RANGAP1: variants seen among roughly 807,000 people sequenced by gnomAD.
RANGAP1 encodes the protein ran GTPase-activating protein 1.
A neutral mutation model predicts 63.5 loss-of-function variants in RANGAP1; 38 were observed. The ratio of observed to expected loss-of-function variants is 0.60; its 90% CI spans 0.46 to 0.78. RANGAP1 has a LOEUF of 0.78. Among genes scored for constraint, RANGAP1 ranks in the 30% least tolerant of loss-of-function variants. The pLI is 0.00. For synonymous variants in RANGAP1, 329 were observed against 310.5 expected (o/e 1.06, Z -0.63); for missense variants, 630 against 740.3 (o/e 0.85, Z 1.73).
At chr22:41,248,905 C>T (rs1366283463) in intron 15 of RANGAP1, among the ~76,000 whole-genome samples, 3 of 152,234 alleles carry the variant, frequency 2.0e-5, no homozygotes, top group Non-Finnish European at 4.4e-5. Context: ...GACCAGGCCC[C>T]TTTGGCCTGC....
chr22:41,254,542 G>C (rs941039275), intron 10 of RANGAP1, 48 bp from the exon 11 acceptor site: 3 of 1,533,454 alleles, frequency 2.0e-6, no homozygotes, highest in Non-Finnish European at 2.6e-6. Flanking sequence ...CAGCAGCCCA[G>C]GTTGGCTCTA....
chr22:41,275,895 A>G (rs1010815766), intron 2 of RANGAP1, among the ~76,000 whole-genome samples: 2 of 152,034 alleles, frequency 1.3e-5, no homozygotes, highest in African/African-American at 4.8e-5. Flanking sequence ...GCAATGAGCC[A>G]TGATCATGCC....
intron 4 of RANGAP1, among the ~76,000 whole-genome samples, chr22:41,266,390 T>G (rs1335008083): frequency 6.6e-6 from 1 of 151,896 alleles, no homozygotes; most frequent in Non-Finnish European, 1.5e-5. Context: ...TCCTACAGAG[T>G]CAAGTAAAAG....
At chr22:41,256,139 G>A (rs1467226131) in intron 9 of RANGAP1, 34 bp from the exon 10 acceptor site, 1 of 1,613,640 alleles carries the variant, frequency 6.2e-7, no homozygotes, top group Non-Finnish European at 8.5e-7. Context: ...GTCAGCCGGG[G>A]TGCCAGGGCC....
At chr22:41,249,220 C>T (rs1487381421) in intron 15 of RANGAP1, 110 bp downstream of exon 15, 152 of 1,413,028 alleles carry the variant, frequency 1.1e-4, no homozygotes, top group Non-Finnish European at 1.4e-4. Flanking sequence ...CTGAGTGGGG[C>T]CAGCAGGCTG....
Position 41,256,041 on chromosome 22 carries a change from G to T in RANGAP1, c.1053C>A (p.Ala351=), listed in dbSNP as rs1201140432. The change falls in exon 10 of 16, where the codon GCC becomes GCA. Residue 351 remains alanine, a synonymous_variant. Coordinates refer to ENST00000356244, the MANE Select transcript of RANGAP1 (RefSeq NM_002883.4). ...LQEVLEGFNM[A]KVLASLSDDE... ...CCTACCTGAGGGACGCCAGCACCTT[G>T]GCCATGTTGAAGCCCTCCAGCACCT... The T allele has an allele frequency of 6.2e-7, 1 of 1,613,708 alleles. No individual in the cohort carries two copies. The highest frequency in any genetic ancestry group is 1.3e-5 in the African/African-American group (1 of 74,904).
the RANGAP1 span, among the ~76,000 whole-genome samples, chr22:41,298,807 AC>A: frequency 1.3e-5 from 2 of 151,866 alleles, no homozygotes; most frequent in African/African-American, 4.8e-5. Flanking sequence ...TACTCACATT[AC>A]CCCCATCTTA....
At position 41,249,749 on chromosome 22, in the gene RANGAP1, C is replaced by T. The variant is rs770249841; in HGVS notation, c.1552G>A (p.Val518Met). 15 of 1,613,854 alleles carry T rather than the reference C, an allele frequency of 9.3e-6. No individual in the cohort carries two copies. Among genetic ancestry groups the T allele is most frequent in the East Asian group, 6.7e-5 (3 of 44,884 alleles). Residue 518 changes from valine to methionine, a missense_variant, in exon 14 of 16, where the codon GTG becomes ATG. By Grantham distance (21) the Val-to-Met change is conservative. Around this residue, in one of 3 missense-constraint regions of RANGAP1, gnomAD observed 428 missense variants for 465.5 expected, o/e 0.92. Coordinates refer to ENST00000356244, the MANE Select transcript of RANGAP1 (RefSeq NM_002883.4). Reference sequence around the variant, plus strand: ...CTCACCTTGAGCAGACCCATGTGCACGAGCAGCCTGGTGAGGAAGGTGTTG... The same window carrying T: ...CTCACCTTGAGCAGACCCATGTGCATGAGCAGCCTGGTGAGGAAGGTGTTG... ...NSNTFLTRLL[V>M]HMGLLKSEDK... is the part of the protein sequence containing the mutation.
intron 15 of RANGAP1, 104 bp downstream of exon 15, chr22:41,249,226 G>C (rs777645804): frequency 4.5e-5 from 64 of 1,428,604 alleles, no homozygotes; most frequent in Non-Finnish European, 5.8e-5. Context: ...GGGGCCAGCA[G>C]GCTGGCTGGG....
intron 10 of RANGAP1, among the ~76,000 whole-genome samples, chr22:41,255,663 C>T (rs528301456): frequency 3.7e-4 from 57 of 152,068 alleles, no homozygotes; most frequent in Admixed American, 7.2e-4. Context: ...CTCTGTTGAA[C>T]GGACAACTCA....
Position 41,245,155 on chromosome 22 carries a change from C to T in RANGAP1, c.*1448G>A, listed in dbSNP as rs962774118. 2.0e-5 allele frequency among the ~76,000 whole-genome samples: 3 copies of T among 152,260 alleles called. No individual in the cohort carries two copies. Among genetic ancestry groups the T allele is most frequent in the Admixed American group, 2.0e-4 (3 of 15,290 alleles). Reference sequence around the variant, plus strand: ...CAGGGCCAGCAGTATCCTCTGCCACCTGGTCACCTACGTGGCCGACTGCCA... The same window carrying T: ...CAGGGCCAGCAGTATCCTCTGCCACTTGGTCACCTACGTGGCCGACTGCCA... On this transcript the variant is annotated 3_prime_UTR_variant, in exon 16 of 16. Coordinates refer to ENST00000356244, the MANE Select transcript of RANGAP1 (RefSeq NM_002883.4).
the RANGAP1 span, among the ~76,000 whole-genome samples, chr22:41,300,044 C>G: frequency 1.2e-3 from 179 of 151,750 alleles, no homozygotes; most frequent in African/African-American, 4.0e-3. Context: ...AGCTACCGCG[C>G]CCGGCCTCCT....
intron 15 of RANGAP1, among the ~76,000 whole-genome samples, chr22:41,248,478 G>A (rs965890429): frequency 3.9e-5 from 6 of 152,230 alleles, no homozygotes; most frequent in Non-Finnish European, 5.9e-5. Context: ...CTCCCCACAT[G>A]CACCAAGTAT....
chr22:41,295,368 G>A, the RANGAP1 span, among the ~76,000 whole-genome samples: 1 of 152,026 alleles, frequency 6.6e-6, no homozygotes, highest in Admixed American at 6.6e-5. Flanking sequence ...AAATTCTTCT[G>A]CCTTGGGATC....
chr22:41,291,680 C>A, the RANGAP1 span, among the ~76,000 whole-genome samples: 4 of 150,708 alleles, frequency 2.7e-5, no homozygotes, highest in Admixed American at 1.3e-4. Flanking sequence ...GGGTGGATCA[C>A]GAGGTCAGGA....
chr22:41,298,522 T>C, the RANGAP1 span, among the ~76,000 whole-genome samples: 1 of 151,166 alleles, frequency 6.6e-6, no homozygotes, highest in African/African-American at 2.4e-5. Context: ...AACATGTTGG[T>C]CAGGCTGGTC....
At chr22:41,260,181 G>A (rs960390319) in intron 6 of RANGAP1, among the ~76,000 whole-genome samples, 4 of 152,022 alleles carry the variant, frequency 2.6e-5, no homozygotes, top group Non-Finnish European at 5.9e-5. Flanking sequence ...CCTCATCCAT[G>A]TTCACAGACC....
At chr22:41,248,916 G>A (rs1004277451) in intron 15 of RANGAP1, among the ~76,000 whole-genome samples, 72 of 152,224 alleles carry the variant, frequency 4.7e-4, no homozygotes, top group African/African-American at 1.7e-3. Flanking sequence ...TTTGGCCTGC[G>A]CTGCTGTGAA....
intron 2 of RANGAP1, chr22:41,277,629 T>G (rs1569207676): frequency 3.5e-6 from 2 of 578,792 alleles, no homozygotes; most frequent in Non-Finnish European, 4.9e-6. Flanking sequence ...AGGGGCTCCC[T>G]AAGAAGTTGT....
Sources: gnomAD v4.1 joint callset for allele counts (sites outside exome capture counted in the v4.1 genomes callset) on GRCh38, gnomAD v4.1.1 for gene constraint, gnomAD v4.1.1 regional missense constraint, MANE v1.5 for transcripts, NCBI Gene and HGNC (gene_info 2026-07-23, HGNC 2026-07-21) for gene names.